The following ADGRB3 variants were observed in gnomAD, a reference collection of about 807,000 sequenced individuals.
ADGRB3 encodes the protein brain-specific angiogenesis inhibitor 3.
Under a neutral mutation model 193.4 loss-of-function variants are expected in ADGRB3, and 37 were observed. The observed-to-expected ratio is 0.19, with a 90% CI of 0.15 to 0.25. The LOEUF (loss-of-function observed/expected upper bound fraction) is 0.25. Ranked by LOEUF, ADGRB3 falls within the 10% of genes least tolerant of loss-of-function variation. ADGRB3 has a pLI of 1.00. For missense variants in ADGRB3, 1,637 were observed against 1,852.9 expected, an observed-to-expected ratio of 0.88 and a Z score of 2.14; for synonymous variants, 690 against 644.2, an observed-to-expected ratio of 1.07 and a Z score of -1.08.
chr6:68,951,276 G>A (rs1351169194), intron 6 of ADGRB3, among the ~76,000 whole-genome samples: 2 of 152,120 alleles, frequency 1.3e-5, no homozygotes, highest in Non-Finnish European at 2.9e-5. Flanking sequence ...AAAAGTGGAG[G>A]TCAGGGAGGC....
At chr6:69,257,301 T>C (rs2127270749) in intron 20 of ADGRB3, among the ~76,000 whole-genome samples, 1 of 152,348 alleles carries the variant, frequency 6.6e-6, no homozygotes, top group East Asian at 1.9e-4. Context: ...CTTGTACCTC[T>C]GATAGAATTC....
In ADGRB3 at chr6:68,944,014, G is replaced by A. The variant is rs763221229; in HGVS notation, c.1195+20G>A. On this transcript the variant is annotated intron_variant, in intron 6 of 31. Transcript: ENST00000370598. The stretch of plus-strand genomic sequence containing the variant: ...GCCCAGGTGAGCCTATTCTGCATTT[G>A]GTTATGTTTGCATTATGTGCTTTTT... The A allele has an allele frequency of 1.2e-5, 19 of 1,577,890 alleles. No homozygotes were observed. Among genetic ancestry groups the A allele is most frequent in the Admixed American group, 6.8e-5 (4 of 59,138 alleles).
intron 3 of ADGRB3, among the ~76,000 whole-genome samples, chr6:68,824,857 C>G (rs889181815): frequency 3.3e-5 from 5 of 151,538 alleles, no homozygotes; most frequent in African/African-American, 4.8e-5. Context: ...ATAATCTGAA[C>G]CTCCTTTTTC....
intron 17 of ADGRB3, among the ~76,000 whole-genome samples, chr6:69,162,902 C>T (rs979187428): frequency 6.6e-6 from 1 of 152,008 alleles, no homozygotes; most frequent in African/African-American, 2.4e-5. Flanking sequence ...AGGCAGCCTG[C>T]TTGACCCCAT....
intron 3 of ADGRB3, among the ~76,000 whole-genome samples, chr6:68,892,264 C>A (rs1429424517): frequency 6.6e-6 from 1 of 152,138 alleles, no homozygotes; most frequent in Non-Finnish European, 1.5e-5. Flanking sequence ...GGAGTAGGAT[C>A]CAAACTACTG....
At chr6:69,252,981 T>A (rs1424800295) in intron 20 of ADGRB3, among the ~76,000 whole-genome samples, 2 of 152,060 alleles carry the variant, frequency 1.3e-5, no homozygotes, top group African/African-American at 2.4e-5. Flanking sequence ...TTATATGAGG[T>A]AGGTCTTGGG....
intron 31 of ADGRB3, 82 bp downstream of exon 31, chr6:69,383,017 T>G: frequency 1.1e-6 from 1 of 920,266 alleles, no homozygotes; most frequent in Non-Finnish European, 1.6e-6. Flanking sequence ...CTCCTAATGG[T>G]GGGAACATAA....
chr6:69,265,595 C>T (rs1317553412), intron 20 of ADGRB3, among the ~76,000 whole-genome samples: 1 of 151,930 alleles, frequency 6.6e-6, no homozygotes, highest in African/African-American at 2.4e-5. Flanking sequence ...TACCAAATTA[C>T]GTGTTCCAAA....
intron 3 of ADGRB3, among the ~76,000 whole-genome samples, chr6:68,767,186 G>A (rs1434433266): frequency 6.6e-6 from 1 of 152,014 alleles, no homozygotes; most frequent in Non-Finnish European, 1.5e-5. Flanking sequence ...AATAGAGTAG[G>A]CCAAATCAAT....
In ADGRB3 at chr6:69,332,969, G is replaced by A; in HGVS notation, c.3149G>A (p.Arg1050Lys). 1 of 1,613,708 alleles carries A rather than the reference G, an allele frequency of 6.2e-7. No individual in the cohort carries two copies. Among genetic ancestry groups the A allele is most frequent in the Non-Finnish European group, 8.5e-7 (1 of 1,179,814 alleles). The change falls in exon 24 of 32, where the codon AGA becomes AAA. Residue 1050 changes from arginine to lysine, a missense_variant. This residue lies in a region of ADGRB3 where 56 missense variants were observed against 53.3 expected (regional missense o/e 1.05). Transcript: ENST00000370598. ...GILVFNKLVS[R>K]DGILDKKLKH... ...TTGGTATTTAATAAACTTGTTTCCA[G>A]AGATGGAATCCTAGATAAAAAGCTC...
At chr6:69,316,885 G>A (rs925100091) in intron 20 of ADGRB3, among the ~76,000 whole-genome samples, 2 of 151,484 alleles carry the variant, frequency 1.3e-5, no homozygotes, top group African/African-American at 4.8e-5. Flanking sequence ...TGGTTGGTTG[G>A]TTGAACATAG....
chr6:69,126,823 C>T (rs1329294052), intron 17 of ADGRB3, among the ~76,000 whole-genome samples: 1 of 152,072 alleles, frequency 6.6e-6, no homozygotes, highest in Non-Finnish European at 1.5e-5. Context: ...AACTCTAAGC[C>T]GAATGTGCTG....
At chr6:68,884,004 T>C (rs979126210) in intron 3 of ADGRB3, among the ~76,000 whole-genome samples, 4 of 151,204 alleles carry the variant, frequency 2.6e-5, no homozygotes, top group Non-Finnish European at 4.4e-5. Context: ...GAAAGCAGAA[T>C]TAAAAGATAT....
At chr6:69,197,540 A>C (rs1004661566) in intron 17 of ADGRB3, among the ~76,000 whole-genome samples, 5 of 152,050 alleles carry the variant, frequency 3.3e-5, no homozygotes, top group African/African-American at 9.7e-5. Context: ...GATGAGCATA[A>C]TAATTCACGG....
chr6:69,295,186 C>G (rs1767784855), intron 20 of ADGRB3, among the ~76,000 whole-genome samples: 1 of 152,114 alleles, frequency 6.6e-6, no homozygotes, highest in Non-Finnish European at 1.5e-5. Context: ...ATCTTTGAAT[C>G]CATATCTAAT....
intron 17 of ADGRB3, among the ~76,000 whole-genome samples, chr6:69,151,979 T>C (rs942406338): frequency 1.3e-5 from 2 of 152,146 alleles, no homozygotes; most frequent in Non-Finnish European, 2.9e-5. Flanking sequence ...CACTTATCCT[T>C]GATGCTGCCA....
intron 17 of ADGRB3, among the ~76,000 whole-genome samples, chr6:69,193,431 G>A (rs1765235413): frequency 1.3e-5 from 2 of 152,112 alleles, no homozygotes; most frequent in East Asian, 1.9e-4. Flanking sequence ...CTGTTAGTGG[G>A]TGTGGATGTG....
intron 15 of ADGRB3, among the ~76,000 whole-genome samples, chr6:69,059,750 C>T (rs1254194637): frequency 6.6e-6 from 1 of 152,194 alleles, no homozygotes; most frequent in Non-Finnish European, 1.5e-5. Flanking sequence ...GTACACTATA[C>T]ACTTTTTGAA....
At chr6:69,204,620 A>G (rs1315270764) in intron 17 of ADGRB3, among the ~76,000 whole-genome samples, 1 of 152,146 alleles carries the variant, frequency 6.6e-6, no homozygotes, top group Non-Finnish European at 1.5e-5. Flanking sequence ...TGAAAAATAC[A>G]TGAAGAGCTG....
Sources: gnomAD v4.1 joint callset for allele counts (sites outside exome capture counted in the v4.1 genomes callset) on GRCh38, gnomAD v4.1.1 for gene constraint, gnomAD v4.1.1 regional missense constraint, MANE v1.5 for transcripts, NCBI Gene and HGNC (gene_info 2026-07-23, HGNC 2026-07-21) for gene names.